The following ADGRB3 variants were observed in gnomAD, a reference collection of about 807,000 sequenced individuals.
ADGRB3 encodes the protein brain-specific angiogenesis inhibitor 3.
Under a neutral mutation model 193.4 loss-of-function variants are expected in ADGRB3, and 37 were observed. The ratio of observed to expected loss-of-function variants is 0.19; its 90% CI spans 0.15 to 0.25. The LOEUF (loss-of-function observed/expected upper bound fraction) is 0.25. Among genes scored for constraint, ADGRB3 ranks in the 10% least tolerant of loss-of-function variants. The probability of loss-of-function intolerance (pLI) is 1.00; values close to 1 mark genes in which losing one functional copy is unlikely to be tolerated. For missense variants in ADGRB3, 1,637 were observed against 1,852.9 expected (o/e 0.88, Z 2.14); for synonymous variants, 690 against 644.2 (o/e 1.07, Z -1.08).
chr6:68,954,467 C>G (rs867059444), intron 6 of ADGRB3, among the ~76,000 whole-genome samples: 1 of 152,032 alleles, frequency 6.6e-6, no homozygotes, highest in Non-Finnish European at 1.5e-5. Flanking sequence ...CTAAGAGTCA[C>G]CTGGATCCTC....
chr6:69,047,943 A>G (rs1312833994), intron 13 of ADGRB3, among the ~76,000 whole-genome samples: 1 of 152,200 alleles, frequency 6.6e-6, no homozygotes, highest in Admixed American at 6.5e-5. Context: ...TATCCACTCC[A>G]TTATTGACCA....
chr6:69,115,214 G>A (rs1214730000), intron 17 of ADGRB3, among the ~76,000 whole-genome samples: 1 of 152,172 alleles, frequency 6.6e-6, no homozygotes, highest in Admixed American at 6.6e-5. Context: ...ATCAATGACA[G>A]ACTGGACAAA....
chr6:69,139,554 A>T (rs1239096154), intron 17 of ADGRB3, among the ~76,000 whole-genome samples: 2 of 152,234 alleles, frequency 1.3e-5, no homozygotes, highest in East Asian at 3.9e-4. Flanking sequence ...ACATAAACTT[A>T]TATATAGAAA....
chr6:69,127,234 C>T (rs979376188), intron 17 of ADGRB3, among the ~76,000 whole-genome samples: 3 of 152,174 alleles, frequency 2.0e-5, no homozygotes, highest in African/African-American at 7.2e-5. Context: ...AAAATTGTAG[C>T]CCTGAAGTGG....
chr6:68,910,847 C>G (rs1163795629), intron 3 of ADGRB3, among the ~76,000 whole-genome samples: 1 of 152,120 alleles, frequency 6.6e-6, no homozygotes, highest in Non-Finnish European at 1.5e-5. Flanking sequence ...CGTGATGCCT[C>G]CAGCTTTGTT....
At chr6:69,241,434 T>TAG (rs1276395314) in intron 20 of ADGRB3, among the ~76,000 whole-genome samples, 1 of 151,920 alleles carries the variant, frequency 6.6e-6, no homozygotes, top group Non-Finnish European at 1.5e-5. Flanking sequence ...ACATCTTAAT[T>TAG]TGAACTAGCT....
chr6:69,218,324 C>T (rs535624727), intron 17 of ADGRB3, among the ~76,000 whole-genome samples: 1 of 152,218 alleles, frequency 6.6e-6, no homozygotes, highest in South Asian at 2.1e-4. Flanking sequence ...ATGTCCCCCT[C>T]ATATCATAAT....
At chr6:69,143,801 G>A (rs538161167) in intron 17 of ADGRB3, among the ~76,000 whole-genome samples, 3 of 152,224 alleles carry the variant, frequency 2.0e-5, no homozygotes, top group South Asian at 4.1e-4. Flanking sequence ...AGTATAATTT[G>A]AAGTCAGGTA....
At chr6:68,637,636 G>T (rs1014021612) in intron 2 of ADGRB3, 74 bp downstream of exon 2, 7 of 152,504 alleles carry the variant, frequency 4.6e-5, no homozygotes, top group African/African-American at 1.7e-4. Flanking sequence ...AAGAAAAGAG[G>T]AGCTTTGGAG....
At chr6:69,089,782 C>T (rs1772653302) in intron 17 of ADGRB3, among the ~76,000 whole-genome samples, 1 of 152,148 alleles carries the variant, frequency 6.6e-6, no homozygotes, top group Non-Finnish European at 1.5e-5. Flanking sequence ...CTTGACACTG[C>T]AGGGTGTTAA....
intron 17 of ADGRB3, among the ~76,000 whole-genome samples, chr6:69,211,487 T>A (rs1402641390): frequency 1.3e-5 from 2 of 152,116 alleles, no homozygotes; most frequent in African/African-American, 2.4e-5. Flanking sequence ...CTAAAAAAGT[T>A]CCTGTATTAT....
intron 17 of ADGRB3, among the ~76,000 whole-genome samples, chr6:69,176,384 T>G (rs190244298): frequency 6.6e-6 from 1 of 152,342 alleles, no homozygotes; most frequent in Admixed American, 6.5e-5. Context: ...CCCATGTCTA[T>G]TGAGATGATT....
chr6:69,221,812 G>A (rs1765904203), intron 17 of ADGRB3, among the ~76,000 whole-genome samples: 1 of 152,006 alleles, frequency 6.6e-6, no homozygotes, highest in South Asian at 2.1e-4. Context: ...TTAGAAGATA[G>A]GAAGATTACA....
At chr6:68,918,605 A>G (rs1232459122) in intron 3 of ADGRB3, among the ~76,000 whole-genome samples, 1 of 152,222 alleles carries the variant, frequency 6.6e-6, no homozygotes, top group Non-Finnish European at 1.5e-5. Context: ...TACCTTTAAC[A>G]TAATTTAGAG....
At chr6:69,033,674 T>C (rs1186387930) in intron 13 of ADGRB3, among the ~76,000 whole-genome samples, 1 of 152,122 alleles carries the variant, frequency 6.6e-6, no homozygotes, top group Non-Finnish European at 1.5e-5. Context: ...TACAAATGTG[T>C]TTTTGTGTGT....
intron 17 of ADGRB3, among the ~76,000 whole-genome samples, chr6:69,110,694 A>G (rs1222887390): frequency 2.0e-5 from 3 of 152,230 alleles, no homozygotes; most frequent in Admixed American, 6.5e-5. Context: ...CTATAATAGT[A>G]CAAAGCCCAT....
chr6:69,220,506 A>G (rs945750664), intron 17 of ADGRB3, among the ~76,000 whole-genome samples: 1 of 152,162 alleles, frequency 6.6e-6, no homozygotes, highest in Non-Finnish European at 1.5e-5. Context: ...TCAGAATACA[A>G]GTGAACTTTC....
intron 13 of ADGRB3, among the ~76,000 whole-genome samples, chr6:69,047,589 C>T (rs1285888271): frequency 6.6e-6 from 1 of 151,762 alleles, no homozygotes; most frequent in Non-Finnish European, 1.5e-5. Context: ...TCTATTTGAT[C>T]ACTATTTCTA....
At chr6:68,900,706 A>G (rs1766371282) in intron 3 of ADGRB3, among the ~76,000 whole-genome samples, 2 of 152,038 alleles carry the variant, frequency 1.3e-5, no homozygotes, top group Non-Finnish European at 2.9e-5. Context: ...GGCTGCATCT[A>G]TTGCTGAGTG....
Sources: allele counts gnomAD v4.1 joint callset (sites outside exome capture counted in the v4.1 genomes callset), GRCh38; gene constraint gnomAD v4.1.1; transcripts MANE v1.5; gene names NCBI Gene and HGNC (gene_info 2026-07-23, HGNC 2026-07-21).